KCNH7: variants seen among roughly 807,000 people sequenced by gnomAD.
KCNH7 encodes the protein voltage-gated inwardly rectifying potassium channel KCNH7.
Under a neutral mutation model 120.8 loss-of-function variants are expected in KCNH7, and 49 were observed. The ratio of observed to expected loss-of-function variants is 0.41; its 90% CI spans 0.32 to 0.51. The LOEUF (loss-of-function observed/expected upper bound fraction) is 0.51. KCNH7 is among the 20% of genes least tolerant of loss of function. KCNH7 has a pLI of 0.38. For missense variants in KCNH7, 1,097 were observed against 1,446.6 expected, an observed-to-expected ratio of 0.76 and a Z score of 3.92; for synonymous variants, 547 against 516.1, an observed-to-expected ratio of 1.06 and a Z score of -0.81.
At chr2:162,723,360 C>A (rs544255733) in intron 2 of KCNH7, among the ~76,000 whole-genome samples, 39 of 152,222 alleles carry the variant, frequency 2.6e-4, no homozygotes, top group East Asian at 3.9e-4. Context: ...TGGAGTTGTG[C>A]ATGTACATTG....
At chr2:162,441,066 T>A (rs886705756) in intron 7 of KCNH7, among the ~76,000 whole-genome samples, 1 of 151,352 alleles carries the variant, frequency 6.6e-6, no homozygotes, top group Non-Finnish European at 1.5e-5. Flanking sequence ...TCATATCTCT[T>A]AAAAGTCATG....
At position 162,386,151 on chromosome 2, in the gene KCNH7, C is replaced by T; in HGVS notation, c.2711-1212G>A. Among the ~76,000 whole-genome samples, 2 of 152,040 alleles carry T rather than the reference C, an allele frequency of 1.3e-5. 1 individual carries two copies. Among genetic ancestry groups the T allele is most frequent in the South Asian group, 4.1e-4 (2 of 4,830 alleles). ...AGCCATGGACCTTTCCGATCTCCAA[C>T]ATTACAGACATCATTGATTACTTAC... On this transcript the variant is annotated intron_variant, in intron 12 of 15. Coordinates refer to ENST00000332142, the MANE Select transcript of KCNH7 (RefSeq NM_033272.4).
intron 5 of KCNH7, among the ~76,000 whole-genome samples, chr2:162,510,685 G>A (rs1036124928): frequency 5.9e-5 from 9 of 151,748 alleles, no homozygotes; most frequent in African/African-American, 2.2e-4. Context: ...TATGCATTTT[G>A]TACACAAAGC....
chr2:162,835,799 C>T (rs544733974), intron 2 of KCNH7, among the ~76,000 whole-genome samples: 26 of 152,150 alleles, frequency 1.7e-4, no homozygotes, highest in Middle Eastern at 3.4e-3. Context: ...CTAACTCTTA[C>T]GGCTCTCATA....
intron 5 of KCNH7, 119 bp from the exon 6 acceptor site, chr2:162,504,776 T>G: frequency 3.0e-6 from 2 of 667,162 alleles, no homozygotes; most frequent in Admixed American, 2.6e-5. Flanking sequence ...TGTGACTGAA[T>G]GCAGCCAGCT....
chr2:162,837,803 G>T (rs1209174142), intron 1 of KCNH7, among the ~76,000 whole-genome samples: 1 of 152,048 alleles, frequency 6.6e-6, no homozygotes, highest in African/African-American at 2.4e-5. Flanking sequence ...TTTCTAGATG[G>T]AAATTTTAAG....
chr2:162,616,973 C>G (rs1399756931), intron 2 of KCNH7, among the ~76,000 whole-genome samples: 1 of 152,162 alleles, frequency 6.6e-6, no homozygotes, highest in Non-Finnish European at 1.5e-5. Context: ...CTCTCTCTCT[C>G]TCAGGCTCTG....
At chr2:162,761,015 A>G (rs1416773667) in intron 2 of KCNH7, among the ~76,000 whole-genome samples, 1 of 152,118 alleles carries the variant, frequency 6.6e-6, no homozygotes, top group Non-Finnish European at 1.5e-5. Context: ...CCTTTTAAAA[A>G]TGTTCTACCT....
chr2:162,684,495 A>G (rs1685817922), intron 2 of KCNH7, among the ~76,000 whole-genome samples: 1 of 152,196 alleles, frequency 6.6e-6, no homozygotes, highest in South Asian at 2.1e-4. Flanking sequence ...ACTTAAACAA[A>G]TTTACAAGAA....
intron 2 of KCNH7, among the ~76,000 whole-genome samples, chr2:162,733,038 C>T (rs1687779919): frequency 6.6e-6 from 1 of 152,186 alleles, no homozygotes; most frequent in South Asian, 2.1e-4. Context: ...GGAGTCCATT[C>T]CTTTCAGACC....
chr2:162,504,944 A>G (rs1365231287), intron 5 of KCNH7, among the ~76,000 whole-genome samples: 3 of 151,978 alleles, frequency 2.0e-5, no homozygotes, highest in Non-Finnish European at 4.4e-5. Flanking sequence ...AAAAGAAAAA[A>G]CTACACTCTC....
Position 162,382,346 on chromosome 2 carries a change from A to T in KCNH7, c.2963-2325T>A, listed in dbSNP as rs373156620. On this transcript the variant is annotated intron_variant, in intron 13 of 15. Coordinates refer to ENST00000332142, the MANE Select transcript of KCNH7 (RefSeq NM_033272.4). ...GCTTGTTTAAACAGCAGTATAAAAA[A>T]TGAGGAGTTCAAAGGGGAAATCCTG... Among the ~76,000 whole-genome samples the T allele has an allele frequency of 3.3e-5, 5 of 152,108 alleles. No homozygotes were observed. The South Asian group carries it at 6.2e-4, about 19-fold the overall frequency.
intron 10 of KCNH7, among the ~76,000 whole-genome samples, chr2:162,399,952 A>G (rs924808439): frequency 1.3e-5 from 2 of 151,946 alleles, no homozygotes; most frequent in African/African-American, 2.4e-5. Flanking sequence ...GCTGCCAAGA[A>G]CTGAAGAGAA....
chr2:162,550,555 T>C (rs16846870), intron 2 of KCNH7, among the ~76,000 whole-genome samples: 13,311 of 151,886 alleles, frequency 0.088, 641 homozygotes, highest in East Asian at 0.12. Context: ...GGTTCCAGCA[T>C]AGTCATTCAT....
intron 2 of KCNH7, among the ~76,000 whole-genome samples, chr2:162,634,051 G>A (rs983030435): frequency 1.3e-5 from 2 of 152,018 alleles, no homozygotes; most frequent in Non-Finnish European, 2.9e-5. Context: ...TGTAACGAAT[G>A]AGTTGTGTGG....
chr2:162,596,358 A>G (rs978300566), intron 2 of KCNH7, among the ~76,000 whole-genome samples: 1 of 152,114 alleles, frequency 6.6e-6, no homozygotes, highest in Non-Finnish European at 1.5e-5. Flanking sequence ...CAACAGACAA[A>G]TCAACTAATG....
chr2:162,645,139 G>C (rs978825831), intron 2 of KCNH7, among the ~76,000 whole-genome samples: 1 of 151,862 alleles, frequency 6.6e-6, no homozygotes, highest in Non-Finnish European at 1.5e-5. Context: ...TGCTTGATTT[G>C]AGTTTATATT....
chr2:162,481,992 C>CT (rs201292200), intron 6 of KCNH7, among the ~76,000 whole-genome samples: 57 of 141,674 alleles, frequency 4.0e-4, no homozygotes, highest in African/African-American at 1.3e-3. Flanking sequence ...ATCTATCTAT[C>CT]ATCAATCTAT....
rs374382353 is a variant in KCNH7, at chr2:162,435,424, T to C, written c.1728A>G (p.Val576=). 13 of 1,613,850 alleles carry C rather than the reference T, an allele frequency of 8.1e-6. No individual in the cohort carries two copies. In the African/African-American group the frequency reaches 1.7e-4, roughly 22 times the overall value. Residue 576 remains valine (V), a synonymous_variant, in exon 8 of 16, where the codon GTA becomes GTG. Transcript: ENST00000332142. ...LACIWYAIGN[V]ERPYLTDKIG... ...TTTTGTCAGTCAGGTAAGGCCTTTC[T>C]ACATTCCCAATCGCATACCAAATGC...
Sources: gnomAD v4.1 joint callset for allele counts (sites outside exome capture counted in the v4.1 genomes callset) on GRCh38, gnomAD v4.1.1 for gene constraint, MANE v1.5 for transcripts, NCBI Gene and HGNC (gene_info 2026-07-23, HGNC 2026-07-21) for gene names.